Variants in FBXL7 observed in about 807,000 individuals in gnomAD.
The protein encoded by FBXL7 is F-box and leucine rich repeat protein 7.
A neutral mutation model predicts 38.3 loss-of-function variants in FBXL7; 12 were observed. The observed-to-expected ratio is 0.31, with a 90% confidence interval of 0.20 to 0.51. The LOEUF (loss-of-function observed/expected upper bound fraction) is 0.51, where lower values mean the gene tolerates loss of function less well. FBXL7 is among the 20% of genes least tolerant of loss of function. FBXL7 has a pLI of 0.98. For synonymous variants in FBXL7, 297 were observed against 300.9 expected (o/e 0.99, Z 0.13); for missense variants, 567 against 676.4 (o/e 0.84, Z 1.79).
intron 1 of FBXL7, among the ~76,000 whole-genome samples, chr5:15,520,529 TC>T (rs1350829512): frequency 6.6e-6 from 1 of 152,212 alleles, no homozygotes; most frequent in East Asian, 1.9e-4. Context: ...AGTCACAAGA[TC>T]AAATTACATG....
intron 1 of FBXL7, among the ~76,000 whole-genome samples, chr5:15,604,782 G>C (rs187745928): frequency 6.6e-5 from 10 of 152,282 alleles, no homozygotes; most frequent in African/African-American, 2.2e-4. Context: ...TTGCTTGTGT[G>C]GTATTGAGTG....
At chr5:15,797,995 T>G (rs1737461535) in intron 2 of FBXL7, among the ~76,000 whole-genome samples, 1 of 152,134 alleles carries the variant, frequency 6.6e-6, no homozygotes, top group African/African-American at 2.4e-5. Flanking sequence ...TCCTCCCTAT[T>G]TCTCCATTAA....
intron 2 of FBXL7, among the ~76,000 whole-genome samples, chr5:15,638,867 T>C (rs1036552938): frequency 6.6e-6 from 1 of 152,168 alleles, no homozygotes; most frequent in Non-Finnish European, 1.5e-5. Context: ...GACTTTGTGA[T>C]ACTAGAAACT....
At chr5:15,619,159 C>T (rs556513771) in intron 2 of FBXL7, among the ~76,000 whole-genome samples, 1 of 152,288 alleles carries the variant, frequency 6.6e-6, no homozygotes, top group South Asian at 2.1e-4. Context: ...GCATGCCCAT[C>T]TGAGGATTTC....
chr5:15,640,522 G>GT lies in FBXL7; in HGVS notation c.127+24459dup, dbSNP rs58468117. Among the ~76,000 whole-genome samples the GT allele has an allele frequency of 8.2e-3, 1,145 of 139,232 alleles. 8 individuals are homozygous for GT. The highest frequency in any genetic ancestry group is 0.028 in the African/African-American group (1,046 of 37,310). The allele number at this position is 139,232 out of a possible 152,430, so 91.3% of individuals were successfully genotyped here. On this transcript the variant is annotated intron_variant, in intron 2 of 3. Transcript: ENST00000504595. ...CTGAGGTACTGGGGGTTAGGGCTTT[G>GT]TTTTTTTTTGTTTTTTTTTTTGAGG...
chr5:15,859,294 T>C (rs1468230787), intron 2 of FBXL7, among the ~76,000 whole-genome samples: 1 of 152,136 alleles, frequency 6.6e-6, no homozygotes, highest in Non-Finnish European at 1.5e-5. Context: ...ATTACCCCAG[T>C]TGAGATAAGC....
chr5:15,870,176 C>G (rs1380407258), intron 2 of FBXL7, among the ~76,000 whole-genome samples: 2 of 151,976 alleles, frequency 1.3e-5, no homozygotes, highest in African/African-American at 4.8e-5. Flanking sequence ...AAGGGACCTA[C>G]CAACCTAAAT....
intron 1 of FBXL7, among the ~76,000 whole-genome samples, chr5:15,547,998 TG>T (rs1737962952): frequency 6.6e-6 from 1 of 152,124 alleles, no homozygotes; most frequent in Non-Finnish European, 1.5e-5. Flanking sequence ...CCAGAAAGGA[TG>T]TAGGTGGCAG....
Position 15,686,207 on chromosome 5 carries a change from A to G in FBXL7, c.127+70135A>G, listed in dbSNP as rs184900248. Among the ~76,000 whole-genome samples the G allele has an allele frequency of 3.9e-5, 6 of 152,242 alleles. No individual in the cohort carries two copies. The East Asian group carries it at 1.2e-3, about 29-fold the overall frequency. On this transcript the variant is annotated intron_variant, in intron 2 of 3. Coordinates refer to ENST00000504595, the MANE Select transcript of FBXL7 (RefSeq NM_012304.5). ...CTCTCAGGCCTTTAAATCCTGGGCAATTTCACCCAGACTTGCTGTCCTGCA... is the reference window on the plus strand; with the variant it reads ...CTCTCAGGCCTTTAAATCCTGGGCAGTTTCACCCAGACTTGCTGTCCTGCA...
At chr5:15,879,249 A>T (rs950108673) in intron 2 of FBXL7, among the ~76,000 whole-genome samples, 5 of 152,204 alleles carry the variant, frequency 3.3e-5, no homozygotes, top group Non-Finnish European at 5.9e-5. Flanking sequence ...ATCCTTAAAG[A>T]CAGTAACCTG....
intron 1 of FBXL7, among the ~76,000 whole-genome samples, chr5:15,517,061 C>T (rs1018793687): frequency 1.3e-5 from 2 of 151,966 alleles, no homozygotes; most frequent in Non-Finnish European, 2.9e-5. Context: ...GAGTCTCGCT[C>T]TGTCGCCCAG....
At chr5:15,566,144 T>C (rs1329382802) in intron 1 of FBXL7, among the ~76,000 whole-genome samples, 6 of 152,092 alleles carry the variant, frequency 3.9e-5, no homozygotes, top group African/African-American at 1.4e-4. Flanking sequence ...TGAAAATAGA[T>C]AAAAGATGGA....
chr5:15,768,900 C>G (rs1369921948), intron 2 of FBXL7, among the ~76,000 whole-genome samples: 1 of 152,222 alleles, frequency 6.6e-6, no homozygotes, highest in Middle Eastern at 3.2e-3. Flanking sequence ...ACTTCCCTTT[C>G]AGGGCACTCA....
At chr5:15,892,603 C>T (rs1477812120) in intron 2 of FBXL7, among the ~76,000 whole-genome samples, 2 of 152,068 alleles carry the variant, frequency 1.3e-5, no homozygotes, top group East Asian at 1.9e-4. Flanking sequence ...CATCTGAAAA[C>T]GTATTATATC....
chr5:15,606,731 G>A (rs528401226), intron 1 of FBXL7: 7 of 152,146 alleles, frequency 4.6e-5, no homozygotes, highest in East Asian at 3.9e-4. Context: ...AATCTTTGCC[G>A]CGTGGAACAA....
At chr5:15,610,872 C>T (rs1740210501) in intron 1 of FBXL7, among the ~76,000 whole-genome samples, 1 of 152,152 alleles carries the variant, frequency 6.6e-6, no homozygotes, top group East Asian at 1.9e-4. Flanking sequence ...TGACCCTCCA[C>T]CCAGCCCCAT....
chr5:15,726,730 A>ATAAATAAT (rs1735415431), intron 2 of FBXL7, among the ~76,000 whole-genome samples: 1 of 151,678 alleles, frequency 6.6e-6, no homozygotes, highest in Non-Finnish European at 1.5e-5. Context: ...AAATAAATAA[A>ATAAATAAT]ATGAGCCTTT....
At chr5:15,813,944 T>A (rs1579486289) in intron 2 of FBXL7, among the ~76,000 whole-genome samples, 1 of 152,202 alleles carries the variant, frequency 6.6e-6, no homozygotes, top group East Asian at 1.9e-4. Context: ...CTGGAGAGGA[T>A]GTGGAGAAAT....
intron 2 of FBXL7, among the ~76,000 whole-genome samples, chr5:15,906,270 G>A (rs1189795417): frequency 6.6e-6 from 1 of 151,656 alleles, no homozygotes; most frequent in African/African-American, 2.4e-5. Flanking sequence ...TTTCAAACTT[G>A]ATTTAAATGC....
Sources: allele counts gnomAD v4.1 joint callset (sites outside exome capture counted in the v4.1 genomes callset), GRCh38; gene constraint gnomAD v4.1.1; transcripts MANE v1.5; gene names NCBI Gene and HGNC (gene_info 2026-07-23, HGNC 2026-07-21).